The following GSE1 variants were observed in gnomAD, a reference collection of about 807,000 sequenced individuals.
The protein encoded by GSE1 is Gse1 coiled-coil protein, also known as genetic suppressor element 1.
A neutral mutation model predicts 112.6 loss-of-function variants in GSE1; 32 were observed. The ratio of observed to expected loss-of-function variants is 0.28; its 90% CI spans 0.21 to 0.38. The LOEUF (loss-of-function observed/expected upper bound fraction) is 0.38. Ranked by LOEUF, GSE1 falls within the 10% of genes least tolerant of loss-of-function variation. The pLI is 1.00. For missense variants in GSE1, 2,348 were observed against 1,699.2 expected (o/e 1.38, Z -6.71); for synonymous variants, 1,115 against 735.6 (o/e 1.52, Z -8.35).
intron 1 of GSE1, among the ~76,000 whole-genome samples, chr16:85,241,348 G>A (rs1485015590): frequency 6.6e-6 from 1 of 152,212 alleles, no homozygotes; most frequent in Non-Finnish European, 1.5e-5. Flanking sequence ...CCCTGAGGGT[G>A]TGCTTCCCTG....
intron 2 of GSE1, among the ~76,000 whole-genome samples, chr16:85,486,091 A>C (rs1010638493): frequency 2.0e-5 from 3 of 152,240 alleles, no homozygotes; most frequent in East Asian, 1.9e-4. Flanking sequence ...AGCCCTGCCA[A>C]CTGGGGGCAC....
chr16:85,653,785 C>T (rs997032864), intron 3 of GSE1, among the ~76,000 whole-genome samples: 3 of 152,200 alleles, frequency 2.0e-5, no homozygotes, highest in African/African-American at 7.2e-5. Flanking sequence ...CACGTGGGCA[C>T]CAGGGCCAGG....
chr16:85,240,224 G>A (rs1390640953), intron 1 of GSE1, among the ~76,000 whole-genome samples: 1 of 152,208 alleles, frequency 6.6e-6, no homozygotes, highest in Non-Finnish European at 1.5e-5. Flanking sequence ...ACACGTGGGT[G>A]CCCAGGGTGT....
chr16:85,364,694 C>A (rs1410908117), intron 2 of GSE1, among the ~76,000 whole-genome samples: 1 of 152,162 alleles, frequency 6.6e-6, no homozygotes, highest in Non-Finnish European at 1.5e-5. Flanking sequence ...TGGATACTCT[C>A]CCGCTGTGGC....
At chr16:85,525,174 T>G (rs1303714194) in intron 2 of GSE1, among the ~76,000 whole-genome samples, 1 of 151,754 alleles carries the variant, frequency 6.6e-6, no homozygotes, top group Non-Finnish European at 1.5e-5. Flanking sequence ...GCCGGCCCAG[T>G]GGTTTCATCA....
chr16:85,605,986 G>T (rs565475286), intron 1 of GSE1, among the ~76,000 whole-genome samples: 1 of 152,088 alleles, frequency 6.6e-6, no homozygotes, highest in Non-Finnish European at 1.5e-5. Context: ...TGTTTCTGCC[G>T]TGGTTTCTGT....
At chr16:85,615,603 G>C (rs946333175) in intron 1 of GSE1, among the ~76,000 whole-genome samples, 1 of 152,158 alleles carries the variant, frequency 6.6e-6, no homozygotes, top group Non-Finnish European at 1.5e-5. Flanking sequence ...GCCCTGCCTT[G>C]GGAAGGGAGG....
At chr16:85,191,375 A>T (rs141055347) in intron 1 of GSE1, among the ~76,000 whole-genome samples, 1 of 152,316 alleles carries the variant, frequency 6.6e-6, no homozygotes, top group East Asian at 1.9e-4. Context: ...ATATTCACAA[A>T]ATTGTATAAC....
intron 2 of GSE1, among the ~76,000 whole-genome samples, chr16:85,645,891 A>G (rs73271285): frequency 6.7e-6 from 1 of 149,872 alleles, no homozygotes; most frequent in Non-Finnish European, 1.5e-5. Flanking sequence ...CATGCATTCT[A>G]CCATGCTTCT....
At chr16:85,357,180 A>C (rs577167529) in intron 1 of GSE1, among the ~76,000 whole-genome samples, 1 of 152,302 alleles carries the variant, frequency 6.6e-6, no homozygotes, top group African/African-American at 2.4e-5. Context: ...CAGAAGCTCC[A>C]GTTTTGGATG....
At chr16:85,552,230 C>T (rs563240901), upstream of GSE1, among the ~76,000 whole-genome samples, 64 of 151,276 alleles carry the variant, frequency 4.2e-4, no homozygotes, top group African/African-American at 1.4e-3. Flanking sequence ...TTTCACCGTG[C>T]TAGCCAGAAT....
intron 2 of GSE1, among the ~76,000 whole-genome samples, chr16:85,531,995 C>T (rs182282479): frequency 3.9e-5 from 6 of 152,200 alleles, no homozygotes; most frequent in East Asian, 1.9e-4. Context: ...AGGCAGGACC[C>T]GGGTGTCTAG....
At chr16:85,401,661 C>T (rs1371403649) in intron 2 of GSE1, among the ~76,000 whole-genome samples, 1 of 152,176 alleles carries the variant, frequency 6.6e-6, no homozygotes, top group Non-Finnish European at 1.5e-5. Flanking sequence ...GTGGCTGAGG[C>T]CCAAATGAGC....
At chr16:85,540,384 C>T (rs2044478706) in intron 2 of GSE1, among the ~76,000 whole-genome samples, 1 of 152,180 alleles carries the variant, frequency 6.6e-6, no homozygotes, top group African/African-American at 2.4e-5. Flanking sequence ...ATAGGTAGTT[C>T]TTTGGAGTCC....
At chr16:85,434,927 T>C (rs1263479287) in intron 2 of GSE1, among the ~76,000 whole-genome samples, 2 of 152,192 alleles carry the variant, frequency 1.3e-5, no homozygotes, top group African/African-American at 2.4e-5. Context: ...GGTCGCAGCC[T>C]TTCCCTGTCC....
chr16:85,613,949 G>A (rs1394100387), intron 1 of GSE1, among the ~76,000 whole-genome samples: 4 of 149,386 alleles, frequency 2.7e-5, no homozygotes, highest in Non-Finnish European at 1.5e-5. Context: ...TCTCGGGGGA[G>A]TTGGTCGGGA....
intron 2 of GSE1, among the ~76,000 whole-genome samples, chr16:85,457,300 C>T (rs1295466226): frequency 6.6e-6 from 1 of 152,208 alleles, no homozygotes; most frequent in Non-Finnish European, 1.5e-5. Flanking sequence ...GGGAGCATGT[C>T]CATCTCCACC....
intron 1 of GSE1, among the ~76,000 whole-genome samples, chr16:85,252,924 G>C (rs1023844425): frequency 1.1e-4 from 16 of 152,294 alleles, no homozygotes; most frequent in African/African-American, 3.8e-4. Flanking sequence ...GGCCTTCGTG[G>C]AGCTGACACA....
intron 1 of GSE1, among the ~76,000 whole-genome samples, chr16:85,572,085 C>T (rs1376600977): frequency 2.0e-5 from 3 of 150,024 alleles, no homozygotes; most frequent in African/African-American, 7.4e-5. Context: ...CACCCCCCCA[C>T]ACCCCACATA....
Sources: gnomAD v4.1 joint callset for allele counts (sites outside exome capture counted in the v4.1 genomes callset) on GRCh38, gnomAD v4.1.1 for gene constraint, MANE v1.5 for transcripts, NCBI Gene and HGNC (gene_info 2026-07-23, HGNC 2026-07-21) for gene names.